Variants in EIF3D observed in about 807,000 individuals in gnomAD.
The protein encoded by EIF3D is eukaryotic translation initiation factor 3 subunit D.
A neutral mutation model predicts 75.4 loss-of-function variants in EIF3D; 10 were observed. The observed-to-expected ratio is 0.13, with a 90% CI of 0.08 to 0.22. EIF3D has a LOEUF of 0.22. Among genes scored for constraint, EIF3D ranks in the 10% least tolerant of loss-of-function variants. The pLI is 1.00. For synonymous variants in EIF3D, 246 were observed against 248.3 expected (o/e 0.99, Z 0.09); for missense variants, 394 against 708.0 (o/e 0.56, Z 5.03).
At chr22:36,522,552 C>T (rs1389534741) in intron 6 of EIF3D, among the ~76,000 whole-genome samples, 1 of 152,094 alleles carries the variant, frequency 6.6e-6, no homozygotes, top group Non-Finnish European at 1.5e-5. Context: ...ATAAAAGCTG[C>T]CAGTTACTAA....
intron 6 of EIF3D, among the ~76,000 whole-genome samples, chr22:36,521,773 G>GA (rs58996003): frequency 0.016 from 1,389 of 88,704 alleles, 15 homozygotes; most frequent in Middle Eastern, 0.027. Context: ...CAAAACATAT[G>GA]AAAAAAAAAA....
intron 3 of EIF3D, among the ~76,000 whole-genome samples, chr22:36,525,070 T>C (rs887950456): frequency 6.6e-6 from 1 of 152,124 alleles, no homozygotes; most frequent in Non-Finnish European, 1.5e-5. Flanking sequence ...ACCATCTCCA[T>C]TATCAGGGGC....
rs1934659713 is a variant in EIF3D, at chr22:36,529,119, G to A, written c.-54C>T. ...GCCGGGATGGCAACAGATGGTGCGT[G>A]CCGGGGACCGCGTTAGCAGCAGCAC... On this transcript the variant is annotated 5_prime_UTR_variant, in exon 1 of 15. Coordinates refer to ENST00000216190, the MANE Select transcript of EIF3D (RefSeq NM_003753.4). 2.5e-6 allele frequency: 1 copy of A among 395,162 alleles called. No homozygotes were observed. Among genetic ancestry groups the A allele is most frequent in the Non-Finnish European group, 4.5e-6 (1 of 224,238 alleles). 24.5% of individuals were successfully genotyped at this position (395,162 alleles called of 1,614,324 possible).
intron 12 of EIF3D, 104 bp downstream of exon 12, chr22:36,516,374 G>A (rs564159527): frequency 2.9e-5 from 41 of 1,416,946 alleles, no homozygotes; most frequent in African/African-American, 5.7e-5. Context: ...TATAAGTAAC[G>A]AAAGGGGATA....
chr22:36,522,296 G>C (rs148517652), intron 6 of EIF3D, among the ~76,000 whole-genome samples: 172 of 152,262 alleles, frequency 1.1e-3, no homozygotes, highest in African/African-American at 4.1e-3. Context: ...AGAGGTTGCA[G>C]TTGGCTAAGA....
chr22:36,518,138 T>C (rs536439137), intron 9 of EIF3D, among the ~76,000 whole-genome samples: 1 of 152,242 alleles, frequency 6.6e-6, no homozygotes, highest in South Asian at 2.1e-4. Flanking sequence ...GTATATACAG[T>C]AAGCAAACAC....
chr22:36,516,397 T>C (rs1409109257), intron 12 of EIF3D, 81 bp downstream of exon 12: 1 of 1,517,602 alleles, frequency 6.6e-7, no homozygotes, highest in Non-Finnish European at 8.9e-7. Flanking sequence ...AAACAGTTTA[T>C]ACAACCTAGC....
rs1266573895 is a variant in EIF3D, at chr22:36,512,450, G to C, written c.1349+10C>G. ...AAGATCAGCTGCCAGCTCCTGCACAGGAATCTCACCCAAGCTTGAGGTACT... is the reference window on the plus strand; with the variant it reads ...AAGATCAGCTGCCAGCTCCTGCACACGAATCTCACCCAAGCTTGAGGTACT... On this transcript the variant is annotated intron_variant, in intron 13 of 14. Transcript: ENST00000216190. The C allele has an allele frequency of 3.7e-6, 6 of 1,613,838 alleles. No individual in the cohort carries two copies. The highest frequency in any genetic ancestry group is 5.1e-6 in the Non-Finnish European group (6 of 1,179,870).
chr22:36,512,159 G>A (rs1934350319), intron 13 of EIF3D, among the ~76,000 whole-genome samples: 1 of 152,160 alleles, frequency 6.6e-6, no homozygotes, highest in Non-Finnish European at 1.5e-5. Context: ...CAAAGTGCTA[G>A]GATTACAGGC....
chr22:36,517,214 A>G, intron 10 of EIF3D, 87 bp downstream of exon 10: 1 of 1,589,248 alleles, frequency 6.3e-7, no homozygotes, highest in East Asian at 2.2e-5. Flanking sequence ...CAGTCCCACA[A>G]CCAAGAGCCT....
rs551258598 is a variant in EIF3D, at chr22:36,523,393, T to G, written c.393-112A>C. ...ACCTTACCATCACCACTAACTCCTT[T>G]AAACTACGAAAAATGGGCTTAGAGA... On this transcript the variant is annotated intron_variant, in intron 5 of 14. Coordinates refer to ENST00000216190, the MANE Select transcript of EIF3D (RefSeq NM_003753.4). The G allele has an allele frequency of 8.4e-5, 69 of 825,822 alleles. No individual in the cohort carries two copies. The East Asian group carries it at 1.7e-3, about 20-fold the overall frequency. 51.2% of individuals were successfully genotyped at this position (825,822 alleles called of 1,614,324 possible).
chr22:36,513,358 A>G (rs937900658), intron 12 of EIF3D, among the ~76,000 whole-genome samples: 2 of 151,258 alleles, frequency 1.3e-5, no homozygotes, highest in African/African-American at 2.4e-5. Context: ...GGTGGAGTGC[A>G]GTGGCACGAT....
intron 6 of EIF3D, among the ~76,000 whole-genome samples, chr22:36,521,744 T>C (rs1290342283): frequency 1.4e-5 from 2 of 139,570 alleles, no homozygotes; most frequent in Non-Finnish European, 3.1e-5. Context: ...CGGGCCAACA[T>C]GGTAAAACCC....
intron 3 of EIF3D, 135 bp from the exon 4 acceptor site, chr22:36,524,867 C>T: frequency 9.2e-7 from 1 of 1,081,746 alleles, no homozygotes; most frequent in Non-Finnish European, 1.4e-6. Flanking sequence ...GACACACAGA[C>T]TCACAGTCCC....
At chr22:36,518,969 C>G (rs1358762378) in intron 8 of EIF3D, 59 bp from the exon 9 acceptor site, 3 of 1,594,440 alleles carry the variant, frequency 1.9e-6, no homozygotes, top group South Asian at 2.2e-5. Flanking sequence ...ACTGCCCACT[C>G]ACATGGATGG....
chr22:36,510,984 G>T lies in EIF3D; in HGVS notation c.*3C>A. On this transcript the variant is annotated 3_prime_UTR_variant, in exon 15 of 15. Coordinates refer to ENST00000216190, the MANE Select transcript of EIF3D (RefSeq NM_003753.4). ...GGACAAACTCCAGCTCCACATCACT[G>T]GTTTAAGTTTCTTCCTCTGAAAGAC... 1.2e-6 allele frequency: 2 copies of T among 1,607,980 alleles called. No individual in the cohort carries two copies. The highest frequency in any genetic ancestry group is 1.7e-6 in the Non-Finnish European group (2 of 1,178,080).
intron 1 of EIF3D, among the ~76,000 whole-genome samples, chr22:36,527,982 G>A (rs775204608): frequency 6.6e-6 from 1 of 152,146 alleles, no homozygotes; most frequent in African/African-American, 2.4e-5. Context: ...CTTTCTAATA[G>A]AAACTATAGG....
At chr22:36,515,696 G>C (rs1444072887) in intron 12 of EIF3D, among the ~76,000 whole-genome samples, 1 of 152,192 alleles carries the variant, frequency 6.6e-6, no homozygotes. Context: ...TCAAAAAGGA[G>C]GGGAGCCAGC....
At chr22:36,517,020 T>A in intron 10 of EIF3D, 1 of 612,710 alleles carries the variant, frequency 1.6e-6, no homozygotes. Flanking sequence ...ACTTCATTTT[T>A]TTGCCATGGC....
Sources: allele counts gnomAD v4.1 joint callset (sites outside exome capture counted in the v4.1 genomes callset), GRCh38; gene constraint gnomAD v4.1.1; transcripts MANE v1.5; gene names NCBI Gene and HGNC (gene_info 2026-07-23, HGNC 2026-07-21).